Variants in FARP1 observed in about 807,000 individuals in gnomAD.
FARP1 encodes FERM, ARH/RhoGEF and pleckstrin domain protein 1.
A neutral mutation model predicts 128.8 loss-of-function variants in FARP1; 52 were observed. That is an observed-to-expected ratio of 0.40 (90% CI 0.32 to 0.51). The LOEUF (loss-of-function observed/expected upper bound fraction) is 0.51. Among genes scored for constraint, FARP1 ranks in the 20% least tolerant of loss-of-function variants. The pLI is 0.45. For synonymous variants in FARP1, 580 were observed against 551.8 expected (o/e 1.05, Z -0.72); for missense variants, 1,333 against 1,367.9 (o/e 0.97, Z 0.40).
At chr13:98,202,576 G>A (rs1880018388) in intron 1 of FARP1, among the ~76,000 whole-genome samples, 2 of 152,152 alleles carry the variant, frequency 1.3e-5, no homozygotes, top group Admixed American at 1.3e-4. Context: ...TTGATTGAAA[G>A]TAGTTCCTCT....
chr13:98,219,789 C>A lies in FARP1; in HGVS notation c.171+6376C>A, dbSNP rs573591203. On this transcript the variant is annotated intron_variant, in intron 2 of 26. Transcript: ENST00000319562. Reference sequence around the variant, plus strand: ...CAGCGGGCCTCCCACCACAGTCCCCCCTAGTTGCTGAGACTACAGGCACGC... The same window carrying A: ...CAGCGGGCCTCCCACCACAGTCCCCACTAGTTGCTGAGACTACAGGCACGC... Among the ~76,000 whole-genome samples the A allele has an allele frequency of 1.4e-3, 212 of 152,294 alleles. 1 individual carries two copies. The highest frequency in any genetic ancestry group is 6.8e-3 in the Middle Eastern group (2 of 294).
At chr13:98,403,528 G>C (rs149258159) in intron 13 of FARP1, 4 of 152,256 alleles carry the variant, frequency 2.6e-5, no homozygotes, top group African/African-American at 9.7e-5. Context: ...AGATACGTGT[G>C]TGTGTTGCTG....
At chr13:98,246,145 A>G (rs1168486031) in intron 2 of FARP1, among the ~76,000 whole-genome samples, 8 of 106,942 alleles carry the variant, frequency 7.5e-5, no homozygotes, top group African/African-American at 1.5e-4. Flanking sequence ...CCCAGGCTGG[A>G]GTGCAGTGGC....
At chr13:98,355,839 C>G (rs1284196549) in intron 3 of FARP1, among the ~76,000 whole-genome samples, 2 of 152,018 alleles carry the variant, frequency 1.3e-5, no homozygotes, top group African/African-American at 4.8e-5. Flanking sequence ...TCAATACTTT[C>G]CCATTTCCCC....
chr13:98,366,513 C>T (rs1337492264), intron 4 of FARP1, among the ~76,000 whole-genome samples: 1 of 152,222 alleles, frequency 6.6e-6, no homozygotes, highest in Non-Finnish European at 1.5e-5. Context: ...TTGTCCCCCG[C>T]ATGAAGGGAA....
chr13:98,199,135 G>A (rs1879774322), intron 1 of FARP1, among the ~76,000 whole-genome samples: 1 of 151,258 alleles, frequency 6.6e-6, no homozygotes, highest in Non-Finnish European at 1.5e-5. Flanking sequence ...TCAGTACATG[G>A]TGGATGCTTA....
chr13:98,443,571 G>T (rs1375888661), intron 24 of FARP1, among the ~76,000 whole-genome samples: 1 of 152,166 alleles, frequency 6.6e-6, no homozygotes, highest in East Asian at 1.9e-4. Context: ...TCCCACTCCC[G>T]TCTGACTCGT....
intron 2 of FARP1, among the ~76,000 whole-genome samples, chr13:98,298,355 C>T (rs1885788748): frequency 6.6e-6 from 1 of 152,178 alleles, no homozygotes; most frequent in East Asian, 1.9e-4. Flanking sequence ...GACAAGGTCC[C>T]ATGCTTGCAC....
chr13:98,325,464 T>C (rs1450970781), intron 2 of FARP1, among the ~76,000 whole-genome samples: 1 of 152,180 alleles, frequency 6.6e-6, no homozygotes, highest in Non-Finnish European at 1.5e-5. Flanking sequence ...AGGCTGATGA[T>C]TTAAGGAGTA....
chr13:98,448,461 G>A lies in FARP1; in HGVS notation c.*144G>A, dbSNP rs188335918. 371 of 675,608 alleles carry A rather than the reference G, an allele frequency of 5.5e-4. 4 individuals are homozygous for A. The East Asian group carries it at 8.4e-3, about 15-fold the overall frequency. The allele number at this position is 675,608 out of a possible 1,614,324, so 41.9% of individuals were successfully genotyped here. A position where few individuals can be genotyped will look rare whatever the true frequency, so the allele number is the denominator to read the frequency against. On this transcript the variant is annotated 3_prime_UTR_variant, in exon 27 of 27. Coordinates refer to ENST00000319562, the MANE Select transcript of FARP1 (RefSeq NM_005766.4). ...GCAGCTCTCCTGTCTCCACAGCCGC[G>A]TTTTTTAACCCCGACCTCTCAGCGT...
intron 17 of FARP1, 101 bp downstream of exon 17, chr13:98,424,751 C>T: frequency 3.8e-6 from 3 of 791,908 alleles, no homozygotes; most frequent in East Asian, 5.0e-5. Flanking sequence ...GCATGCATCA[C>T]CTGATTTGAC....
At chr13:98,172,718 A>G (rs1372425797) in intron 1 of FARP1, among the ~76,000 whole-genome samples, 4 of 152,188 alleles carry the variant, frequency 2.6e-5, no homozygotes, top group African/African-American at 9.7e-5. Flanking sequence ...TGACTTCTGC[A>G]TTTCTTAGTA....
intron 2 of FARP1, among the ~76,000 whole-genome samples, chr13:98,336,514 C>T (rs1433368292): frequency 6.6e-6 from 1 of 152,178 alleles, no homozygotes; most frequent in African/African-American, 2.4e-5. Context: ...TCAGGTGATT[C>T]ACCCGCCTTG....
In FARP1 at chr13:98,215,945, C is replaced by G. The variant is rs549601832; in HGVS notation, c.171+2532C>G. 3.9e-5 allele frequency among the ~76,000 whole-genome samples: 6 copies of G among 152,250 alleles called. 1 individual carries two copies. The highest frequency in any genetic ancestry group is 1.4e-4 in the African/African-American group (6 of 41,546). ...AGCTGGTACGATAGGTGCCTGCCAC[C>G]ACACCCAGCCAATTTTTGTGTTTTT... is the stretch of plus-strand genomic sequence containing the variant. On this transcript the variant is annotated intron_variant, in intron 2 of 26. Coordinates refer to ENST00000319562, the MANE Select transcript of FARP1 (RefSeq NM_005766.4).
At chr13:98,217,832 C>T (rs1766209715) in intron 2 of FARP1, among the ~76,000 whole-genome samples, 1 of 152,234 alleles carries the variant, frequency 6.6e-6, no homozygotes, top group South Asian at 2.1e-4. Flanking sequence ...TCCTACGCCG[C>T]AGCGGTGCCT....
At chr13:98,405,320 G>C (rs1322397334) in intron 13 of FARP1, 1 of 152,234 alleles carries the variant, frequency 6.6e-6, no homozygotes, top group Non-Finnish European at 1.5e-5. Flanking sequence ...TGGTCTGGGT[G>C]ATAAATTGAA....
intron 1 of FARP1, among the ~76,000 whole-genome samples, chr13:98,172,853 G>C (rs753654444): frequency 6.6e-6 from 1 of 152,166 alleles, no homozygotes; most frequent in Non-Finnish European, 1.5e-5. Flanking sequence ...AACTTTACAC[G>C]TTTCTGAAAG....
chr13:98,353,255 G>A (rs1888509498), intron 3 of FARP1, among the ~76,000 whole-genome samples: 1 of 152,190 alleles, frequency 6.6e-6, no homozygotes, highest in African/African-American at 2.4e-5. Flanking sequence ...GTTACCTGTA[G>A]AGGGCGGGAG....
Position 98,384,929 on chromosome 13 carries a change from C to CA in FARP1, c.611+86dup, listed in dbSNP as rs1439017281. The stretch of plus-strand genomic sequence containing the variant: ...CATGGGTGTACATCCCTCCACCCCC[C>CA]ACACAAACTATTGTGGAGAACAACA... On this transcript the variant is annotated intron_variant, in intron 7 of 26. Transcript: ENST00000319562. 1.1e-5 allele frequency: 9 copies of CA among 786,700 alleles called. No individual in the cohort carries two copies. In the African/African-American group the frequency reaches 1.5e-4, roughly 13 times the overall value. The allele number at this position is 786,700 out of a possible 1,614,324, so 48.7% of individuals were successfully genotyped here. A position where few individuals can be genotyped will look rare whatever the true frequency, so the allele number is the denominator to read the frequency against.
Sources: allele counts gnomAD v4.1 joint callset (sites outside exome capture counted in the v4.1 genomes callset), GRCh38; gene constraint gnomAD v4.1.1; transcripts MANE v1.5; gene names NCBI Gene and HGNC (gene_info 2026-07-23, HGNC 2026-07-21).